The following BCAS1 variants were observed in gnomAD, a reference collection of about 807,000 sequenced individuals.
BCAS1 encodes brain enriched myelin associated protein 1.
BCAS1 carries 46 observed loss-of-function variants against 65.4 expected under a neutral mutation model. The observed-to-expected ratio is 0.70, with a 90% CI of 0.55 to 0.90. The LOEUF is 0.90. Ranked by LOEUF, BCAS1 falls within the 40% of genes least tolerant of loss-of-function variation. The probability of loss-of-function intolerance (pLI) is 0.00; values close to 1 mark genes in which losing one functional copy is unlikely to be tolerated. For missense variants in BCAS1, 793 were observed against 771.2 expected, an observed-to-expected ratio of 1.03 and a Z score of -0.33; for synonymous variants, 298 against 293.5, an observed-to-expected ratio of 1.02 and a Z score of -0.16.
At chr20:54,051,015 G>T (rs2092202542) in intron 3 of BCAS1, among the ~76,000 whole-genome samples, 1 of 152,118 alleles carries the variant, frequency 6.6e-6, no homozygotes, top group Admixed American at 6.5e-5. Context: ...CTAGGCTTAG[G>T]CTTTCTCTTC....
At chr20:54,062,920 A>AG (rs145616857) in intron 1 of BCAS1, among the ~76,000 whole-genome samples, 1 of 152,360 alleles carries the variant, frequency 6.6e-6, no homozygotes, top group East Asian at 1.9e-4. Flanking sequence ...GTGGGACAAA[A>AG]GCAAAAGGTT....
At chr20:53,953,292 A>G (rs1250830171) in intron 12 of BCAS1, 140 bp downstream of exon 12, 17 of 1,066,402 alleles carry the variant, frequency 1.6e-5, no homozygotes, top group African/African-American at 1.1e-4. Flanking sequence ...TGGAAGTCAC[A>G]TAGCAGTTCA....
intron 7 of BCAS1, among the ~76,000 whole-genome samples, chr20:53,986,290 G>A (rs2090614473): frequency 6.6e-6 from 1 of 151,954 alleles, no homozygotes; most frequent in African/African-American, 2.4e-5. Context: ...CTGAGCAGCT[G>A]CACTGAAGTC....
At chr20:54,008,929 T>C (rs1006525597) in intron 4 of BCAS1, among the ~76,000 whole-genome samples, 1 of 152,048 alleles carries the variant, frequency 6.6e-6, no homozygotes, top group Non-Finnish European at 1.5e-5. Context: ...TTCTCCTGCC[T>C]CAGCCTCCTG....
At chr20:54,062,606 T>C (rs1210775878) in intron 1 of BCAS1, among the ~76,000 whole-genome samples, 1 of 152,224 alleles carries the variant, frequency 6.6e-6, no homozygotes, top group Non-Finnish European at 1.5e-5. Context: ...CAAAGCTACT[T>C]TGAATCAACA....
At chr20:54,029,389 T>G (rs1198818812) in intron 3 of BCAS1, among the ~76,000 whole-genome samples, 1 of 152,206 alleles carries the variant, frequency 6.6e-6, no homozygotes, top group East Asian at 1.9e-4. Context: ...TGAAGCCAGA[T>G]TATTCTTTGT....
At chr20:54,064,052 G>C (rs1342863125) in intron 1 of BCAS1, among the ~76,000 whole-genome samples, 1 of 152,158 alleles carries the variant, frequency 6.6e-6, no homozygotes, top group Non-Finnish European at 1.5e-5. Flanking sequence ...TTTGCCACTG[G>C]GGGTTGATTG....
At chr20:53,982,435 C>G (rs1397543858) in intron 8 of BCAS1, among the ~76,000 whole-genome samples, 3 of 152,110 alleles carry the variant, frequency 2.0e-5, no homozygotes, top group Non-Finnish European at 4.4e-5. Context: ...GCAATAAAGA[C>G]TATAAATCAA....
chr20:54,058,613 TCTG>T, intron 2 of BCAS1, 31 bp downstream of exon 2: 2 of 1,534,220 alleles, frequency 1.3e-6, no homozygotes, highest in Non-Finnish European at 1.7e-6. Flanking sequence ...TTTTTTTTTT[TCTG>T]CTGATGCCCC....
chr20:53,963,983 T>G (rs2145604692), intron 10 of BCAS1, among the ~76,000 whole-genome samples: 1 of 152,348 alleles, frequency 6.6e-6, no homozygotes, highest in East Asian at 1.9e-4. Flanking sequence ...GAGTTAAAAC[T>G]AAATGTCTGT....
intron 4 of BCAS1, among the ~76,000 whole-genome samples, chr20:54,003,203 C>T (rs1023864943): frequency 4.5e-5 from 6 of 133,838 alleles, no homozygotes; most frequent in South Asian, 2.4e-4. Flanking sequence ...ATAGAAGTGT[C>T]CAATAAATGT....
intron 1 of BCAS1, among the ~76,000 whole-genome samples, chr20:54,062,765 T>C (rs1160815820): frequency 2.6e-5 from 4 of 152,332 alleles, no homozygotes; most frequent in African/African-American, 9.6e-5. Flanking sequence ...TGAAGGGCCC[T>C]GAAAGAAGGA....
chr20:54,002,245 C>T (rs545993671), intron 4 of BCAS1, among the ~76,000 whole-genome samples: 5 of 152,286 alleles, frequency 3.3e-5, no homozygotes, highest in South Asian at 2.1e-4. Flanking sequence ...GTTCCTCCCC[C>T]CTAGGCTATG....
At chr20:53,963,393 C>A (rs946484947) in intron 10 of BCAS1, among the ~76,000 whole-genome samples, 1 of 151,696 alleles carries the variant, frequency 6.6e-6, no homozygotes, top group Non-Finnish European at 1.5e-5. Flanking sequence ...AGACAGGAGA[C>A]TCACTTGAAC....
At chr20:54,055,194 A>G (rs2092278337) in intron 3 of BCAS1, among the ~76,000 whole-genome samples, 1 of 152,230 alleles carries the variant, frequency 6.6e-6, no homozygotes, top group African/African-American at 2.4e-5. Flanking sequence ...GGACAAAATG[A>G]GAATGTAAAC....
intron 7 of BCAS1, among the ~76,000 whole-genome samples, chr20:53,989,757 G>T (rs2090707043): frequency 6.6e-6 from 1 of 152,126 alleles, no homozygotes; most frequent in African/African-American, 2.4e-5. Context: ...AATTTTAATT[G>T]TGTTTTCAGA....
rs1465880994 is a variant in BCAS1, at chr20:53,967,071, C to T, written c.1320G>A (p.Val440=). ...TAATCTCTACTGGTGACTCACACAC[C>T]ACCTGGATTATTTTGCCAGGTAATA... is the stretch of plus-strand genomic sequence containing the variant. The part of the protein sequence containing the change: ...DSVPTGAEEN[V]VCESPVEIIK... The change falls in exon 10 of 13, where the codon GTG becomes GTA. Residue 440 remains valine, a splice_region_variant and synonymous_variant. Transcript: ENST00000688948. The T allele has an allele frequency of 2.5e-6, 4 of 1,600,914 alleles. No homozygotes were observed. In the South Asian group the frequency reaches 4.6e-5, roughly 18 times the overall value.
intron 4 of BCAS1, among the ~76,000 whole-genome samples, chr20:54,002,704 G>A (rs2091086252): frequency 1.3e-5 from 2 of 152,270 alleles, no homozygotes; most frequent in Admixed American, 6.5e-5. Flanking sequence ...ATATTAATTA[G>A]TGATAATGAT....
chr20:53,958,548 A>G (rs1385419395), intron 10 of BCAS1, among the ~76,000 whole-genome samples: 1 of 152,262 alleles, frequency 6.6e-6, no homozygotes, highest in Non-Finnish European at 1.5e-5. Context: ...CACTAAGAAC[A>G]GCCAGAAACA....
Sources: gnomAD v4.1 joint callset for allele counts (sites outside exome capture counted in the v4.1 genomes callset) on GRCh38, gnomAD v4.1.1 for gene constraint, MANE v1.5 for transcripts, NCBI Gene and HGNC (gene_info 2026-07-23, HGNC 2026-07-21) for gene names.